MMP16: variants seen among roughly 807,000 people sequenced by gnomAD.
The protein encoded by MMP16 is matrix metalloproteinase-16.
MMP16 carries 12 observed loss-of-function variants against 67.8 expected under a neutral mutation model. That is an observed-to-expected ratio of 0.18 (90% CI 0.11 to 0.29). The LOEUF (loss-of-function observed/expected upper bound fraction) is 0.29, where lower values mean the gene tolerates loss of function less well. MMP16 is among the 10% of genes least tolerant of loss of function. The pLI, the probability that MMP16 is intolerant of heterozygous loss-of-function variation, is 1.00. For missense variants in MMP16, 475 were observed against 765.7 expected (o/e 0.62, Z 4.48); for synonymous variants, 249 against 255.9 (o/e 0.97, Z 0.26).
In MMP16 at chr8:88,058,886, T is replaced by G. The variant is rs565241274; in HGVS notation, c.1223-2608A>C. On this transcript the variant is annotated intron_variant, in intron 7 of 9. Coordinates refer to ENST00000286614, the MANE Select transcript of MMP16 (RefSeq NM_005941.5). The surrounding 1 kb of genome is among the most constrained non-coding windows in gnomAD (Gnocchi z 4.2). ...TGGACCAACACAGCAGAAATAGAGATGGAAAGGATAAAATAAAGTCAGGAC... is the reference window on the plus strand; with the variant it reads ...TGGACCAACACAGCAGAAATAGAGAGGGAAAGGATAAAATAAAGTCAGGAC... Among the ~76,000 whole-genome samples, 15 of 151,896 alleles carry G rather than the reference T, an allele frequency of 9.9e-5. No individual in the cohort carries two copies. The highest frequency in any genetic ancestry group is 1.9e-4 in the East Asian group (1 of 5,160).
At chr8:88,168,383 A>G (rs993041273) in intron 3 of MMP16, among the ~76,000 whole-genome samples, 1 of 152,188 alleles carries the variant, frequency 6.6e-6, no homozygotes, top group African/African-American at 2.4e-5. Flanking sequence ...ATCCATTTCA[A>G]ACAATGTCTT....
At chr8:88,228,338 CAG>C (rs967820332) in intron 1 of MMP16, among the ~76,000 whole-genome samples, 5 of 151,982 alleles carry the variant, frequency 3.3e-5, no homozygotes, top group East Asian at 3.9e-4. Context: ...TTATTTTTAA[CAG>C]ATATCAAAAT....
intron 1 of MMP16, among the ~76,000 whole-genome samples, chr8:88,202,318 A>G (rs1210395203): frequency 6.6e-6 from 1 of 152,220 alleles, no homozygotes. Context: ...CGTGATGATC[A>G]TATTTTATAC....
intron 3 of MMP16, among the ~76,000 whole-genome samples, chr8:88,184,953 T>C (rs1300466536): frequency 1.3e-5 from 2 of 151,952 alleles, no homozygotes; most frequent in African/African-American, 2.4e-5. Flanking sequence ...TTTGGAAATA[T>C]AGATTGTAGA....
chr8:88,322,544 TGTGGCTAGATGTG>T (rs1410268791), intron 1 of MMP16, among the ~76,000 whole-genome samples: 1 of 151,904 alleles, frequency 6.6e-6, no homozygotes, highest in African/African-American at 2.4e-5. Flanking sequence ...AATAATGACA[TGTGGCTAGATGTG>T]GTGGCTCATG....
chr8:88,126,046 T>C (rs777890616), intron 4 of MMP16, among the ~76,000 whole-genome samples: 5 of 151,938 alleles, frequency 3.3e-5, no homozygotes, highest in African/African-American at 7.2e-5. Context: ...ATTATTTATA[T>C]GGCAATCCTG....
chr8:88,153,395 C>A (rs1369588534), intron 4 of MMP16, among the ~76,000 whole-genome samples: 1 of 152,110 alleles, frequency 6.6e-6, no homozygotes, highest in Non-Finnish European at 1.5e-5. Flanking sequence ...CAAAAAAGAG[C>A]CCGCATCACC....
In MMP16 at chr8:88,041,037, A is replaced by T. The variant is rs1808125605; in HGVS notation, c.*424T>A. On this transcript the variant is annotated 3_prime_UTR_variant, in exon 10 of 10. Transcript: ENST00000286614. This position sits in a 1 kb window ranked among gnomAD's most constrained non-coding sequence, Gnocchi z 6.0. ...CAAAAAAAGAAAAAAAGAAAAAAAG[A>T]AAAAAAGAAAAACCGTGGGTTTTCT... The T allele has an allele frequency of 6.5e-6, 1 of 154,166 alleles. No homozygotes were observed. Among genetic ancestry groups the T allele is most frequent in the African/African-American group, 2.4e-5 (1 of 41,500 alleles). The allele number at this position is 154,166 out of a possible 1,614,324, so 9.5% of individuals were successfully genotyped here.
At chr8:88,175,053 C>T (rs1299915912) in intron 3 of MMP16, among the ~76,000 whole-genome samples, 1 of 152,076 alleles carries the variant, frequency 6.6e-6, no homozygotes, top group Non-Finnish European at 1.5e-5. Context: ...TGTGCCTGGC[C>T]TTGACTGCTT....
chr8:88,152,331 A>G (rs1310772118), intron 4 of MMP16, among the ~76,000 whole-genome samples: 3 of 125,654 alleles, frequency 2.4e-5, no homozygotes, highest in African/African-American at 9.6e-5. Context: ...TCCAATCAAT[A>G]GAAAAAGAGG....
intron 9 of MMP16, among the ~76,000 whole-genome samples, chr8:88,045,028 G>C (rs969731474): frequency 6.6e-6 from 1 of 152,074 alleles, no homozygotes; most frequent in Non-Finnish European, 1.5e-5. Flanking sequence ...TAGTCTCACT[G>C]TCCTATGGAT....
chr8:88,305,151 T>C (rs768533147), intron 1 of MMP16, among the ~76,000 whole-genome samples: 6 of 152,198 alleles, frequency 3.9e-5, no homozygotes, highest in Non-Finnish European at 7.3e-5. Flanking sequence ...AATCTTGGAT[T>C]CTGACAAAAC....
At chr8:88,172,548 C>A (rs1297306244) in intron 3 of MMP16, among the ~76,000 whole-genome samples, 2 of 151,990 alleles carry the variant, frequency 1.3e-5, no homozygotes, top group Non-Finnish European at 2.9e-5. Context: ...ACTAACAATT[C>A]TAATAAAAAT....
chr8:88,144,372 T>C, intron 4 of MMP16, among the ~76,000 whole-genome samples: 1 of 151,994 alleles, frequency 6.6e-6, no homozygotes, highest in Non-Finnish European at 1.5e-5. Flanking sequence ...CTCTAAAAAA[T>C]AACCTAAATT....
chr8:88,272,208 C>G (rs963103293), intron 1 of MMP16, among the ~76,000 whole-genome samples: 1 of 152,058 alleles, frequency 6.6e-6, no homozygotes, highest in Non-Finnish European at 1.5e-5. Flanking sequence ...ATCCTCGTGG[C>G]TATAATGGTA....
chr8:88,216,907 A>C (rs961055090), intron 1 of MMP16, among the ~76,000 whole-genome samples: 1 of 152,010 alleles, frequency 6.6e-6, no homozygotes, highest in Non-Finnish European at 1.5e-5. Flanking sequence ...GAATTACATA[A>C]ATATCTGGTT....
intron 3 of MMP16, among the ~76,000 whole-genome samples, chr8:88,172,251 G>C (rs1167144855): frequency 6.6e-6 from 1 of 152,018 alleles, no homozygotes; most frequent in Non-Finnish European, 1.5e-5. Context: ...TTCCAATTTA[G>C]ATGATTAAAA....
chr8:88,253,721 G>C (rs1249477898), intron 1 of MMP16, among the ~76,000 whole-genome samples: 2 of 151,804 alleles, frequency 1.3e-5, no homozygotes, highest in Non-Finnish European at 2.9e-5. Context: ...AGAAAAACCT[G>C]ATATAGCAAT....
rs555638763 is a variant in MMP16 at position 88,043,800 on chromosome 8, C to T, written c.1490-2005G>A. 3.0e-4 allele frequency among the ~76,000 whole-genome samples: 45 copies of T among 152,192 alleles called. 1 individual carries two copies. The highest frequency in any genetic ancestry group is 2.5e-3 in the South Asian group (12 of 4,818). ...TCAGCCGAGAGTTGGTATTTGATCA[C>T]GTTAATGAAATTCAATATAATTACT... On this transcript the variant is annotated intron_variant, in intron 9 of 9. Transcript: ENST00000286614.
Sources: allele counts gnomAD v4.1 joint callset (sites outside exome capture counted in the v4.1 genomes callset), GRCh38; gene constraint gnomAD v4.1.1; non-coding constraint Gnocchi (gnomAD v3.1); transcripts MANE v1.5; gene names NCBI Gene and HGNC (gene_info 2026-07-23, HGNC 2026-07-21).